IQGAP1: variants seen among roughly 807,000 people sequenced by gnomAD.
IQGAP1 encodes IQ motif containing GTPase activating protein 1, also known as ras GTPase-activating-like protein IQGAP1.
In IQGAP1, 66 loss-of-function variants were observed where a neutral mutation model predicts 215.6. The ratio of observed to expected loss-of-function variants is 0.31; its 90% CI spans 0.25 to 0.38. The LOEUF (loss-of-function observed/expected upper bound fraction) is 0.38. Ranked by LOEUF, IQGAP1 falls within the 10% of genes least tolerant of loss-of-function variation. IQGAP1 has a pLI of 1.00. For missense variants in IQGAP1, 1,712 were observed against 1,997.1 expected (o/e 0.86, Z 2.72); for synonymous variants, 772 against 728.7 (o/e 1.06, Z -0.96).
chr15:90,493,773 T>G (rs1966237700), intron 35 of IQGAP1, among the ~76,000 whole-genome samples: 1 of 152,244 alleles, frequency 6.6e-6, no homozygotes, highest in African/African-American at 2.4e-5. Context: ...CTTGCAGATC[T>G]GACTCCTGTG....
At chr15:90,452,110 G>A (rs1465770975) in intron 11 of IQGAP1, among the ~76,000 whole-genome samples, 1 of 152,206 alleles carries the variant, frequency 6.6e-6, no homozygotes, top group Non-Finnish European at 1.5e-5. Context: ...TTACAAGCGT[G>A]AGCCACCGTG....
intron 1 of IQGAP1, among the ~76,000 whole-genome samples, chr15:90,390,531 G>T (rs1331188022): frequency 6.6e-6 from 1 of 152,228 alleles, no homozygotes; most frequent in African/African-American, 2.4e-5. Context: ...TATTTTTCAA[G>T]ATTACACTGA....
intron 9 of IQGAP1, among the ~76,000 whole-genome samples, chr15:90,447,982 G>A (rs1462760527): frequency 6.6e-6 from 1 of 152,124 alleles, no homozygotes; most frequent in Non-Finnish European, 1.5e-5. Context: ...ACTGTTGTGG[G>A]TGGAGTGTGT....
chr15:90,422,882 G>T lies in IQGAP1; in HGVS notation c.156-3228G>T, dbSNP rs574455259. Among the ~76,000 whole-genome samples the T allele has an allele frequency of 1.9e-3, 284 of 151,974 alleles. 1 individual carries two copies. The highest frequency in any genetic ancestry group is 3.9e-3 in the Admixed American group (59 of 15,250). ...GGCTAATTTTTAAATTTTTTGTAGA[G>T]ACAGGGTCTGGCTGTGTTGCCAGGC... On this transcript the variant is annotated intron_variant, in intron 2 of 37. Transcript: ENST00000268182.
At chr15:90,421,105 C>G (rs1965128719) in intron 2 of IQGAP1, among the ~76,000 whole-genome samples, 1 of 152,076 alleles carries the variant, frequency 6.6e-6, no homozygotes, top group Non-Finnish European at 1.5e-5. Context: ...CCATTGCACT[C>G]TAGCCTGGGC....
chr15:90,456,967 A>G (rs954533386), intron 15 of IQGAP1, among the ~76,000 whole-genome samples: 3 of 101,982 alleles, frequency 2.9e-5, no homozygotes, highest in African/African-American at 5.4e-5. Context: ...GTATATATAC[A>G]TATATACGAT....
intron 10 of IQGAP1, 56 bp downstream of exon 10, chr15:90,448,792 A>C: frequency 7.5e-7 from 1 of 1,325,872 alleles, no homozygotes; most frequent in Non-Finnish European, 9.8e-7. Context: ...TTCGAATCCC[A>C]TGCTGTCATT....
intron 26 of IQGAP1, among the ~76,000 whole-genome samples, chr15:90,478,527 GA>G (rs1358723482): frequency 6.6e-6 from 1 of 152,144 alleles, no homozygotes; most frequent in Non-Finnish European, 1.5e-5. Context: ...AAACATTGAA[GA>G]AAGTTTTATG....
chr15:90,477,923 T>C, intron 26 of IQGAP1, 34 bp downstream of exon 26: 2 of 1,334,880 alleles, frequency 1.5e-6, no homozygotes, highest in Non-Finnish European at 2.2e-6. Flanking sequence ...TTCTTTCATG[T>C]TGTTATAGTC....
intron 2 of IQGAP1, among the ~76,000 whole-genome samples, chr15:90,419,741 G>A (rs1223431737): frequency 6.6e-6 from 1 of 152,290 alleles, no homozygotes; most frequent in African/African-American, 2.4e-5. Flanking sequence ...GGAAAAACGA[G>A]TCTCTGTTGA....
chr15:90,396,722 G>C (rs1964725580), intron 2 of IQGAP1, among the ~76,000 whole-genome samples: 2 of 152,162 alleles, frequency 1.3e-5, no homozygotes, highest in South Asian at 4.1e-4. Context: ...ATTTAAAAGT[G>C]TATTTATTAA....
intron 2 of IQGAP1, among the ~76,000 whole-genome samples, chr15:90,420,447 C>G (rs1965117693): frequency 6.6e-6 from 1 of 152,162 alleles, no homozygotes; most frequent in South Asian, 2.1e-4. Flanking sequence ...TAGCAAAAAC[C>G]TTCTGACTAC....
chr15:90,419,239 G>A (rs1322108054), intron 2 of IQGAP1, among the ~76,000 whole-genome samples: 4 of 151,714 alleles, frequency 2.6e-5, no homozygotes, highest in Admixed American at 2.6e-4. Context: ...TATACTTTTT[G>A]GAACCCACAG....
At chr15:90,485,955 C>A in intron 30 of IQGAP1, 75 bp from the exon 31 acceptor site, 1 of 1,090,682 alleles carries the variant, frequency 9.2e-7, no homozygotes, top group Non-Finnish European at 1.4e-6. Flanking sequence ...TTGTGCAGAT[C>A]ATTGTTAGAC....
Position 90,440,627 on chromosome 15 carries a change from G to C in IQGAP1, c.649+12G>C. 8 of 1,523,096 alleles carry C rather than the reference G, an allele frequency of 5.3e-6. No homozygotes were observed. Among genetic ancestry groups the C allele is most frequent in the Non-Finnish European group, 6.2e-6 (7 of 1,120,098 alleles). 94.3% of individuals were successfully genotyped at this position (1,523,096 alleles called of 1,614,324 possible). A position where few individuals can be genotyped will look rare whatever the true frequency, so the allele number is the denominator to read the frequency against. ...GGATGAAGCCGCATGTAAGAAGAGA[G>C]AAATTTTGTGGGTTCAACTGGGATT... is the stretch of plus-strand genomic sequence containing the variant. On this transcript the variant is annotated intron_variant, in intron 7 of 37. Coordinates refer to ENST00000268182, the MANE Select transcript of IQGAP1 (RefSeq NM_003870.4).
At chr15:90,456,069 G>C in intron 14 of IQGAP1, 83 bp from the exon 15 acceptor site, 1 of 1,170,972 alleles carries the variant, frequency 8.5e-7, no homozygotes, top group Non-Finnish European at 1.2e-6. Context: ...GTGGATTTAT[G>C]ATTAGTTAGC....
intron 18 of IQGAP1, among the ~76,000 whole-genome samples, chr15:90,471,011 A>C (rs935713253): frequency 6.6e-6 from 1 of 151,984 alleles, no homozygotes; most frequent in Non-Finnish European, 1.5e-5. Context: ...CTGTGGCTCT[A>C]GCCCTTACCC....
At chr15:90,456,396 T>C in intron 15 of IQGAP1, 81 bp downstream of exon 15, 1 of 1,409,494 alleles carries the variant, frequency 7.1e-7, no homozygotes, top group Non-Finnish European at 9.7e-7. Context: ...AATATCTTCC[T>C]TGATTCATTC....
At position 90,472,931 on chromosome 15, in the gene IQGAP1, G is replaced by T. The variant is rs564402284; in HGVS notation, c.2270G>T (p.Arg757Leu). The change falls in exon 19 of 38, where the codon CGT becomes CTT. Residue 757 changes from arginine to leucine, a missense_variant. Physicochemically the swap from Arg to Leu is moderately radical, Grantham distance 102. Around this residue, in one of 2 missense-constraint regions of IQGAP1, gnomAD observed 1,021 missense variants for 1,074.2 expected, o/e 0.95. Coordinates refer to ENST00000268182, the MANE Select transcript of IQGAP1 (RefSeq NM_003870.4). ...GLITRLQARC[R>L]GYLVRQEFRS... ...ATCACCAGGCTGCAGGCTCGCTGCC[G>T]TGGATACTTAGTTCGACAGGAATTC... The T allele has an allele frequency of 5.0e-6, 8 of 1,613,888 alleles. No homozygotes were observed. The highest frequency in any genetic ancestry group is 4.2e-6 in the Non-Finnish European group (5 of 1,179,978).
Sources: allele counts gnomAD v4.1 joint callset (sites outside exome capture counted in the v4.1 genomes callset), GRCh38; gene constraint gnomAD v4.1.1; regional missense constraint gnomAD v4.1.1; transcripts MANE v1.5; gene names NCBI Gene and HGNC (gene_info 2026-07-23, HGNC 2026-07-21).